Variants in FOCAD observed in about 807,000 individuals in gnomAD.
FOCAD encodes focadhesin.
FOCAD carries 198 observed loss-of-function variants against 225.6 expected under a neutral mutation model. The observed-to-expected ratio is 0.88, with a 90% confidence interval of 0.78 to 0.99. FOCAD has a LOEUF of 0.99. FOCAD is among the 50% of genes least tolerant of loss of function. FOCAD has a pLI of 0.00. For missense variants in FOCAD, 2,713 were observed against 2,123.6 expected (o/e 1.28, Z -5.46); for synonymous variants, 897 against 755.0 (o/e 1.19, Z -3.08).
intron 15 of FOCAD, among the ~76,000 whole-genome samples, chr9:20,849,366 C>T (rs1827429090): frequency 6.6e-6 from 1 of 151,402 alleles, no homozygotes; most frequent in Non-Finnish European, 1.5e-5. Flanking sequence ...CTGTCTGCTT[C>T]TTGAAACTTT....
intron 8 of FOCAD, among the ~76,000 whole-genome samples, chr9:20,773,448 G>T (rs1371265060): frequency 6.6e-6 from 1 of 152,130 alleles, no homozygotes; most frequent in African/African-American, 2.4e-5. Context: ...AGCACCCACA[G>T]GTGATTTTTA....
intron 11 of FOCAD, among the ~76,000 whole-genome samples, chr9:20,811,913 ATAT>A (rs1413952759): frequency 6.6e-6 from 1 of 152,096 alleles, no homozygotes; most frequent in Non-Finnish European, 1.5e-5. Context: ...TCATGCAAGC[ATAT>A]TTATTCTTAT....
chr9:20,785,840 C>T (rs561927290), intron 10 of FOCAD, among the ~76,000 whole-genome samples: 3 of 152,212 alleles, frequency 2.0e-5, no homozygotes, highest in South Asian at 4.1e-4. Context: ...AGATTGTTTT[C>T]CAAAGGGGCT....
chr9:20,922,300 T>C (rs550743776), intron 24 of FOCAD, among the ~76,000 whole-genome samples: 1 of 152,134 alleles, frequency 6.6e-6, no homozygotes, highest in East Asian at 1.9e-4. Context: ...CGTTGATGTC[T>C]TGCTAACTTT....
chr9:20,974,837 G>T (rs990025454), intron 35 of FOCAD, among the ~76,000 whole-genome samples: 27 of 151,544 alleles, frequency 1.8e-4, no homozygotes, highest in African/African-American at 6.3e-4. Context: ...CTGTTTTCAC[G>T]TTTGCTGACT....
chr9:20,900,700 C>G (rs1432083017), intron 21 of FOCAD, among the ~76,000 whole-genome samples: 3 of 151,884 alleles, frequency 2.0e-5, no homozygotes, highest in Non-Finnish European at 4.4e-5. Context: ...CTAGAAAATA[C>G]TGTGAAAAGT....
chr9:20,843,947 G>A (rs1826809211), intron 15 of FOCAD, among the ~76,000 whole-genome samples: 1 of 152,072 alleles, frequency 6.6e-6, no homozygotes, highest in Non-Finnish European at 1.5e-5. Context: ...TTAAAAGAGG[G>A]TTTGATTCTA....
chr9:20,777,732 C>G (rs1818908348), intron 8 of FOCAD, among the ~76,000 whole-genome samples: 1 of 151,996 alleles, frequency 6.6e-6, no homozygotes. Flanking sequence ...ATTAGGTAAG[C>G]AGAAAATTGA....
At chr9:20,663,310 A>T (rs763853321) in intron 2 of FOCAD, among the ~76,000 whole-genome samples, 14 of 152,286 alleles carry the variant, frequency 9.2e-5, no homozygotes, top group Non-Finnish European at 1.6e-4. Context: ...GTGAGCTGTG[A>T]TCATGCACTG....
At chr9:20,948,759 G>A (rs867294830) in intron 31 of FOCAD, 92 bp from the exon 32 acceptor site, 7 of 1,376,816 alleles carry the variant, frequency 5.1e-6, no homozygotes, top group South Asian at 3.7e-5. Context: ...GTACCAATTC[G>A]ACCATTTATT....
chr9:20,922,816 A>G (rs1163542731), intron 24 of FOCAD, among the ~76,000 whole-genome samples: 2 of 152,214 alleles, frequency 1.3e-5, no homozygotes, highest in Non-Finnish European at 2.9e-5. Flanking sequence ...TTATAAACGA[A>G]TTGGCAAACC....
intron 14 of FOCAD, among the ~76,000 whole-genome samples, chr9:20,821,729 T>C (rs557236211): frequency 2.0e-5 from 3 of 152,168 alleles, no homozygotes; most frequent in African/African-American, 7.2e-5. Flanking sequence ...TTGATGCATT[T>C]GAAACTGTAG....
In FOCAD at chr9:20,881,960, C is replaced by T. The variant is rs775165461; in HGVS notation, c.2407C>T (p.Arg803Cys). 3.2e-5 allele frequency: 52 copies of T among 1,613,820 alleles called. No homozygotes were observed. The highest frequency in any genetic ancestry group is 2.8e-4 in the Admixed American group (17 of 59,992). Residue 803 changes from arginine to cysteine, a missense_variant, in exon 20 of 44, where the codon CGC (arginine) becomes TGC (cysteine). Physicochemically the swap from Arg to Cys is radical, Grantham distance 180 (BLOSUM62 -3). Coordinates refer to ENST00000338382, the MANE Select transcript of FOCAD (RefSeq NM_001375567.1). The part of the protein sequence containing the change: ...IYHSALKGGA[R>C]SDQGKTVAGI... ...TCACTCTGCATTAAAAGGAGGTGCC[C>T]GCTCAGACCAAGGAAAGACTGTAGC...
intron 2 of FOCAD, among the ~76,000 whole-genome samples, chr9:20,675,207 T>C (rs1027306700): frequency 1.3e-5 from 2 of 152,186 alleles, no homozygotes; most frequent in Non-Finnish European, 2.9e-5. Context: ...AGAGCCATGG[T>C]TGGCTTAGGT....
At chr9:20,664,953 A>C (rs1821853419) in intron 2 of FOCAD, among the ~76,000 whole-genome samples, 1 of 95,992 alleles carries the variant, frequency 1.0e-5, no homozygotes, top group South Asian at 4.7e-4. Context: ...AGTGGAAAAC[A>C]CTGCATTTTT....
At chr9:20,983,447 C>T (rs2132644453) in intron 39 of FOCAD, among the ~76,000 whole-genome samples, 1 of 151,988 alleles carries the variant, frequency 6.6e-6, no homozygotes, top group South Asian at 2.1e-4. Flanking sequence ...TGGCACACAC[C>T]TGTAGTCCCA....
At chr9:20,945,820 C>T (rs1260504392) in intron 29 of FOCAD, among the ~76,000 whole-genome samples, 2 of 152,072 alleles carry the variant, frequency 1.3e-5, no homozygotes, top group Non-Finnish European at 2.9e-5. Context: ...TTAGAAACCA[C>T]TTATATTTTT....
rs1449917606 is a variant in FOCAD at position 20,988,371 on chromosome 9, G to C, written c.4946G>C (p.Gly1649Ala). ...ATGGAGTGGCTCTTGGAACTGATGG[G>C]TTATATTAGAAATGTTGCTTACCAG... Reference protein sequence around the residue: ...KRMEWLLELMGYIRNVAYQST... With the variant: ...KRMEWLLELMAYIRNVAYQST... Residue 1649 changes from glycine to alanine, a missense_variant, in exon 41 of 44, where the codon GGT (glycine) becomes GCT (alanine). By Grantham distance (60) the Gly-to-Ala change is moderately conservative (BLOSUM62 0). Coordinates refer to ENST00000338382, the MANE Select transcript of FOCAD (RefSeq NM_001375567.1). The C allele has an allele frequency of 6.2e-7, 1 of 1,612,068 alleles. No individual in the cohort carries two copies. Among genetic ancestry groups the C allele is most frequent in the Admixed American group, 1.7e-5 (1 of 59,620 alleles).
chr9:20,857,796 T>A (rs1828346301), intron 15 of FOCAD, among the ~76,000 whole-genome samples: 1 of 150,172 alleles, frequency 6.7e-6, no homozygotes, highest in African/African-American at 2.4e-5. Context: ...TTTTTTTTTT[T>A]ATCATGAAGT....
Sources: allele counts gnomAD v4.1 joint callset (sites outside exome capture counted in the v4.1 genomes callset), GRCh38; gene constraint gnomAD v4.1.1; transcripts MANE v1.5; gene names NCBI Gene and HGNC (gene_info 2026-07-23, HGNC 2026-07-21).